DPH6: variants seen among roughly 807,000 people sequenced by gnomAD.
DPH6 encodes the protein diphthamine biosynthesis 6.
In DPH6, 33 loss-of-function variants were observed where a neutral mutation model predicts 38.2. That is an observed-to-expected ratio of 0.86 (90% CI 0.65 to 1.15). The LOEUF (loss-of-function observed/expected upper bound fraction) is 1.15, where lower values mean the gene tolerates loss of function less well. Ranked by LOEUF, DPH6 falls within the 50% of genes most tolerant of loss-of-function variation. The probability of loss-of-function intolerance (pLI) is 0.00; values close to 1 mark genes in which losing one functional copy is unlikely to be tolerated. For missense variants in DPH6, 325 were observed against 320.0 expected (o/e 1.02, Z -0.12); for synonymous variants, 108 against 103.0 (o/e 1.05, Z -0.30).
Position 35,373,474 on chromosome 15 carries a change from T to G in DPH6, c.750+47A>C, listed in dbSNP as rs754072315. 4 of 1,524,808 alleles carry G rather than the reference T, an allele frequency of 2.6e-6. No individual in the cohort carries two copies. The African/African-American group carries it at 4.2e-5, about 16-fold the overall frequency. 94.5% of individuals were successfully genotyped at this position (1,524,808 alleles called of 1,614,324 possible). A position where few individuals can be genotyped will look rare whatever the true frequency, so the allele number is the denominator to read the frequency against. On this transcript the variant is annotated intron_variant, in intron 8 of 8. Coordinates refer to ENST00000256538, the MANE Select transcript of DPH6 (RefSeq NM_080650.4). ...ATTATATATGCAAAGCCAATGTATA[T>G]ATCTCAAATTTCTATTGAAATCACT...
At chr15:35,520,222 AAAAAAAAC>A (rs1343413157) in intron 3 of DPH6, 9 of 715,226 alleles carry the variant, frequency 1.3e-5, no homozygotes, top group Middle Eastern at 7.0e-4. Context: ...ACATGCTACA[AAAAAAAAC>A]AAAAAAAAAA....
chr15:35,510,041 C>T (rs1305895709), intron 3 of DPH6, among the ~76,000 whole-genome samples: 3 of 152,118 alleles, frequency 2.0e-5, no homozygotes, highest in Non-Finnish European at 4.4e-5. Flanking sequence ...CATAGCACGA[C>T]CCTGTCTCTA....
chr15:35,151,967 C>T, the DPH6 span, among the ~76,000 whole-genome samples: 3 of 152,170 alleles, frequency 2.0e-5, no homozygotes, highest in African/African-American at 7.2e-5. Flanking sequence ...CTCACCATGA[C>T]TACAACTGCT....
intron 6 of DPH6, among the ~76,000 whole-genome samples, chr15:35,390,842 C>T (rs771767836): frequency 5.3e-5 from 8 of 152,192 alleles, no homozygotes; most frequent in African/African-American, 9.6e-5. Flanking sequence ...TCTCTCAACT[C>T]GTCAAAGTGA....
chr15:35,177,429 A>AATC, the DPH6 span, among the ~76,000 whole-genome samples: 2 of 95,980 alleles, frequency 2.1e-5, no homozygotes, highest in Non-Finnish European at 4.6e-5. Flanking sequence ...TAATAATAAT[A>AATC]ATAAAAATTA....
At chr15:35,391,458 G>C (rs1318044610) in intron 6 of DPH6, among the ~76,000 whole-genome samples, 1 of 152,322 alleles carries the variant, frequency 6.6e-6, no homozygotes, top group East Asian at 1.9e-4. Flanking sequence ...TACAGAGGCA[G>C]GCAGGCCTCC....
chr15:35,298,290 T>C (rs1365131194), intron 3 of DPH6: 4 of 578,510 alleles, frequency 6.9e-6, no homozygotes, highest in Admixed American at 1.9e-5. Context: ...TTTTTCCAAA[T>C]TGTAGAAACA....
chr15:35,506,374 C>A (rs2054694430), intron 3 of DPH6, among the ~76,000 whole-genome samples: 1 of 152,028 alleles, frequency 6.6e-6, no homozygotes, highest in South Asian at 2.1e-4. Context: ...TTTGCCCCAA[C>A]AGAACTAAAG....
At chr15:35,298,782 G>A in intron 3 of DPH6, 2 of 1,271,128 alleles carry the variant, frequency 1.6e-6, no homozygotes, top group Non-Finnish European at 2.3e-6. Flanking sequence ...CGCTGGGCCG[G>A]GTTGGAGATC....
At chr15:35,236,934 G>A (rs750858654) in intron 3 of DPH6, among the ~76,000 whole-genome samples, 5 of 152,016 alleles carry the variant, frequency 3.3e-5, no homozygotes, top group African/African-American at 4.8e-5. Flanking sequence ...TTTGTTCCTA[G>A]TCGATAGATA....
At chr15:35,176,250 A>T in the DPH6 span, among the ~76,000 whole-genome samples, 2 of 152,212 alleles carry the variant, frequency 1.3e-5, no homozygotes, top group African/African-American at 4.8e-5. Flanking sequence ...CCTTACTCTT[A>T]TCACTACGTC....
chr15:35,318,876 T>G (rs1250126668), intron 3 of DPH6, among the ~76,000 whole-genome samples: 1 of 152,176 alleles, frequency 6.6e-6, no homozygotes. Flanking sequence ...TACATAGGAT[T>G]GTAATCAAGG....
chr15:35,273,655 T>C (rs993683891), intron 3 of DPH6, among the ~76,000 whole-genome samples: 3 of 152,240 alleles, frequency 2.0e-5, no homozygotes, highest in South Asian at 4.1e-4. Context: ...CCATTCACAA[T>C]TGCTACAAAG....
intron 3 of DPH6, among the ~76,000 whole-genome samples, chr15:35,309,070 C>T (rs1416715795): frequency 1.3e-5 from 2 of 152,138 alleles, no homozygotes; most frequent in African/African-American, 2.4e-5. Context: ...GAGGGAGGAG[C>T]GTGAGGAAAC....
At chr15:35,191,386 G>A in the DPH6 span, among the ~76,000 whole-genome samples, 1 of 152,306 alleles carries the variant, frequency 6.6e-6, no homozygotes, top group South Asian at 2.1e-4. Flanking sequence ...GGTGATTCAA[G>A]CAACCATCAT....
intron 3 of DPH6, chr15:35,489,163 A>G (rs16961087): frequency 0.025 from 6,610 of 261,888 alleles, 437 homozygotes; most frequent in African/African-American, 0.14. Flanking sequence ...AATTGGAACT[A>G]AAGGATTTCA....
At chr15:35,451,543 T>G (rs1038669224) in intron 4 of DPH6, among the ~76,000 whole-genome samples, 2 of 152,158 alleles carry the variant, frequency 1.3e-5, no homozygotes, top group Admixed American at 6.5e-5. Context: ...TTCTTCGCAT[T>G]CCACATCCAA....
At chr15:35,262,918 C>G (rs927192903) in intron 3 of DPH6, among the ~76,000 whole-genome samples, 2 of 151,974 alleles carry the variant, frequency 1.3e-5, no homozygotes, top group African/African-American at 4.8e-5. Flanking sequence ...GAGAATCATG[C>G]AGAATTTTGC....
At chr15:35,311,147 G>T (rs940454008) in intron 3 of DPH6, among the ~76,000 whole-genome samples, 6 of 151,730 alleles carry the variant, frequency 4.0e-5, no homozygotes, top group Admixed American at 3.9e-4. Flanking sequence ...TTATTATTGA[G>T]CGGAGAATTC....
Sources: gnomAD v4.1 joint callset for allele counts (sites outside exome capture counted in the v4.1 genomes callset) on GRCh38, gnomAD v4.1.1 for gene constraint, MANE v1.5 for transcripts, NCBI Gene and HGNC (gene_info 2026-07-23, HGNC 2026-07-21) for gene names.